The following TENM2 variants were observed in gnomAD, a reference collection of about 807,000 sequenced individuals.
TENM2 encodes teneurin-2.
In TENM2, 52 loss-of-function variants were observed where a neutral mutation model predicts 245.2. The observed-to-expected ratio is 0.21, with a 90% confidence interval of 0.17 to 0.27. The LOEUF is 0.27. Among genes scored for constraint, TENM2 ranks in the 10% least tolerant of loss-of-function variants. The pLI, the probability that TENM2 is intolerant of heterozygous loss-of-function variation, is 1.00. For missense variants in TENM2, 3,046 were observed against 3,666.8 expected, an observed-to-expected ratio of 0.83 and a Z score of 4.37; for synonymous variants, 1,363 against 1,438.9, an observed-to-expected ratio of 0.95 and a Z score of 1.19.
intron 2 of TENM2, among the ~76,000 whole-genome samples, chr5:167,678,164 C>A (rs1001293040): frequency 2.6e-5 from 4 of 151,986 alleles, no homozygotes; most frequent in Non-Finnish European, 4.4e-5. Context: ...TTATGACTGT[C>A]TCTAGATAAT....
rs36042366 is a variant in TENM2 at position 168,181,669 on chromosome 5, CTTTTTTTTTTTTT to C, written c.2570-8655_2570-8643del. Among the ~76,000 whole-genome samples the C allele has an allele frequency of 4.5e-3, 355 of 78,914 alleles. 1 individual carries two copies. Among genetic ancestry groups the C allele is most frequent in the African/African-American group, 0.017 (342 of 19,982 alleles). The allele number at this position is 78,914 out of a possible 152,430, so 51.8% of individuals were successfully genotyped here. On this transcript the variant is annotated intron_variant, in intron 13 of 28. Coordinates refer to ENST00000518659, the Ensembl canonical transcript of TENM2. ...AAGGAGTGCAAATACAGTTTTACTTCTTTTTTTTTTTTTTTTTTTTTTTTTGAGACAGAGTCTC... is the reference window on the plus strand; with the variant it reads ...AAGGAGTGCAAATACAGTTTTACTTCTTTTTTTTTTTTGAGACAGAGTCTC...
chr5:167,022,604 C>T, the TENM2 span, among the ~76,000 whole-genome samples: 1 of 152,266 alleles, frequency 6.6e-6, no homozygotes, highest in East Asian at 1.9e-4. Context: ...TTGTCTCCTT[C>T]TAAAATTTGG....
intron 2 of TENM2, among the ~76,000 whole-genome samples, chr5:167,561,722 T>C (rs765555577): frequency 3.3e-5 from 5 of 152,196 alleles, no homozygotes; most frequent in Non-Finnish European, 5.9e-5. Flanking sequence ...CAGACACCAA[T>C]TTACACCTCA....
the TENM2 span, among the ~76,000 whole-genome samples, chr5:167,075,734 A>C: frequency 5.3e-5 from 8 of 152,188 alleles, no homozygotes; most frequent in Non-Finnish European, 1.0e-4. Context: ...CCAGTCATTG[A>C]TGCAGGGCCT....
At chr5:167,457,569 A>T (rs1012639877) in intron 2 of TENM2, among the ~76,000 whole-genome samples, 3 of 151,718 alleles carry the variant, frequency 2.0e-5, no homozygotes, top group East Asian at 1.9e-4. Context: ...CTGGTCTCGA[A>T]CTCCCAACCT....
chr5:167,569,354 A>G (rs1774130145), intron 2 of TENM2, among the ~76,000 whole-genome samples: 1 of 152,070 alleles, frequency 6.6e-6, no homozygotes, highest in Non-Finnish European at 1.5e-5. Context: ...AGATTGTGGG[A>G]GGTACTAAAG....
the TENM2 span, among the ~76,000 whole-genome samples, chr5:167,195,841 C>T: frequency 6.9e-6 from 1 of 144,236 alleles, no homozygotes; most frequent in Non-Finnish European, 1.5e-5. Context: ...TCTTAGCTTT[C>T]CACAGTCTGA....
chr5:167,825,805 T>C (rs1767923987), intron 2 of TENM2, among the ~76,000 whole-genome samples: 1 of 151,818 alleles, frequency 6.6e-6, no homozygotes, highest in South Asian at 2.1e-4. Flanking sequence ...CGCTCATTTA[T>C]CTGTCTGAAT....
At chr5:168,182,924 G>A (rs62383457) in intron 13 of TENM2, among the ~76,000 whole-genome samples, 23,799 of 146,164 alleles carry the variant, frequency 0.16, 2,294 homozygotes, top group South Asian at 0.24. Flanking sequence ...TCCGCCTCCC[G>A]CGTTCAAGCG....
chr5:167,127,297 A>C, the TENM2 span, among the ~76,000 whole-genome samples: 2 of 152,174 alleles, frequency 1.3e-5, no homozygotes, highest in Non-Finnish European at 2.9e-5. Context: ...CTAGAAAGCA[A>C]TTTAGACGCA....
At chr5:167,681,621 T>C (rs1756710367) in intron 2 of TENM2, among the ~76,000 whole-genome samples, 1 of 118,096 alleles carries the variant, frequency 8.5e-6, no homozygotes, top group Admixed American at 9.0e-5. Flanking sequence ...AGCTATGTAT[T>C]TGTTTATATA....
chr5:167,741,635 C>T (rs1056338030), intron 2 of TENM2, among the ~76,000 whole-genome samples: 5 of 152,170 alleles, frequency 3.3e-5, no homozygotes, highest in African/African-American at 9.7e-5. Flanking sequence ...TCTGCTATCA[C>T]CTCAGCTTCA....
intron 2 of TENM2, among the ~76,000 whole-genome samples, chr5:167,741,336 G>A (rs1158744110): frequency 6.6e-6 from 1 of 152,186 alleles, no homozygotes; most frequent in Non-Finnish European, 1.5e-5. Flanking sequence ...ATAGATTTAG[G>A]AAAATAGGGT....
chr5:168,152,584 C>T (rs1377921273), intron 12 of TENM2, among the ~76,000 whole-genome samples: 1 of 152,202 alleles, frequency 6.6e-6, no homozygotes, highest in Admixed American at 6.5e-5. Context: ...TGCTTTGTCC[C>T]TATTTCCATA....
intron 2 of TENM2, among the ~76,000 whole-genome samples, chr5:167,481,923 G>A (rs1279246118): frequency 6.6e-6 from 1 of 152,164 alleles, no homozygotes; most frequent in Non-Finnish European, 1.5e-5. Context: ...CAATTTTGCA[G>A]CTTCGCCTGC....
intron 5 of TENM2, among the ~76,000 whole-genome samples, chr5:168,042,559 G>T (rs933473960): frequency 2.0e-5 from 3 of 151,790 alleles, no homozygotes; most frequent in African/African-American, 7.3e-5. Flanking sequence ...CACTTTTCTG[G>T]CCCTATAATC....
the TENM2 span, among the ~76,000 whole-genome samples, chr5:167,055,697 C>A: frequency 6.6e-6 from 1 of 151,864 alleles, no homozygotes; most frequent in African/African-American, 2.4e-5. Context: ...GTTTTTAATT[C>A]CAAATTCCAC....
At chr5:168,195,603 TGTGTGTG>T (rs1761358894) in intron 15 of TENM2, among the ~76,000 whole-genome samples, 1 of 119,486 alleles carries the variant, frequency 8.4e-6, no homozygotes. Flanking sequence ...TGTGTGTGTG[TGTGTGTG>T]TTGGGGTGGG....
intron 3 of TENM2, among the ~76,000 whole-genome samples, chr5:167,917,352 T>G (rs574360499): frequency 6.6e-6 from 1 of 151,828 alleles, no homozygotes; most frequent in South Asian, 2.1e-4. Context: ...GGTGCTGGAG[T>G]CTCGGGGGGT....
Sources: gnomAD v4.1 joint callset for allele counts (sites outside exome capture counted in the v4.1 genomes callset) on GRCh38, gnomAD v4.1.1 for gene constraint, MANE v1.5 for transcripts, NCBI Gene and HGNC (gene_info 2026-07-23, HGNC 2026-07-21) for gene names.